Variants in MEX3A observed in about 807,000 individuals in gnomAD.
MEX3A encodes mex-3 RNA binding family member A.
MEX3A carries 4 observed loss-of-function variants against 30.0 expected under a neutral mutation model. The ratio of observed to expected loss-of-function variants is 0.13; its 90% CI spans 0.07 to 0.30. MEX3A has a LOEUF of 0.30. Among genes scored for constraint, MEX3A ranks in the 10% least tolerant of loss-of-function variants. The pLI, the probability that MEX3A is intolerant of heterozygous loss-of-function variation, is 1.00. For synonymous variants in MEX3A, 335 were observed against 327.6 expected (o/e 1.02, Z -0.24); for missense variants, 555 against 736.7 (o/e 0.75, Z 2.86).
intron 1 of MEX3A, among the ~76,000 whole-genome samples, chr1:156,081,332 G>A (rs548179557): frequency 4.9e-4 from 75 of 152,366 alleles, no homozygotes; most frequent in African/African-American, 1.8e-3. Flanking sequence ...TCTAAAGGCA[G>A]AGTCCTGGGG....
rs1379326020 is a variant in MEX3A at position 156,076,988 on chromosome 1, G to A, written c.1149C>T (p.Gly383=). The A allele has an allele frequency of 1.2e-6, 2 of 1,613,036 alleles. No homozygotes were observed. Among genetic ancestry groups the A allele is most frequent in the Admixed American group, 1.7e-5 (1 of 59,950 alleles). ...ACAGCGGGGGGCTAGTCTCGGCCAC[G>A]CCGTAGTACACATCCTGCTTGCCCA... ...YGVGKQDVYY[G]VAETSPPLWA... Residue 383 remains glycine (G), a synonymous_variant, in exon 2 of 2, where the codon GGC becomes GGT. Coordinates refer to ENST00000532414, the MANE Select transcript of MEX3A (RefSeq NM_001093725.2). The surrounding 1 kb of genome is among the most constrained non-coding windows in gnomAD (Gnocchi z 6.0).
In MEX3A at chr1:156,078,889, G is replaced by C. The variant is rs77345159; in HGVS notation, c.455-1207C>G. Among the ~76,000 whole-genome samples, 1,360 of 151,996 alleles carry C rather than the reference G, an allele frequency of 8.9e-3. 26 individuals carry two copies. The highest frequency in any genetic ancestry group is 0.031 in the African/African-American group (1,301 of 41,420). The stretch of plus-strand genomic sequence containing the variant: ...CACACACATCAAGTCCCTGTGTTTC[G>C]GCCTTTCATACATCCCACTGTCCAT... On this transcript the variant is annotated intron_variant, in intron 1 of 1. Transcript: ENST00000532414.
chr1:156,078,953 C>T (rs1264529029), intron 1 of MEX3A, among the ~76,000 whole-genome samples: 2 of 152,168 alleles, frequency 1.3e-5, no homozygotes, highest in African/African-American at 4.8e-5. Flanking sequence ...CATTCCTATA[C>T]ACACCCGCAC....
At chr1:156,080,600 C>T (rs1474564802) in intron 1 of MEX3A, among the ~76,000 whole-genome samples, 2 of 152,084 alleles carry the variant, frequency 1.3e-5, no homozygotes, top group African/African-American at 2.4e-5. Context: ...TCCCCAAGAT[C>T]CCGTCTGCTC....
chr1:156,078,045 T>C (rs922634641), intron 1 of MEX3A, among the ~76,000 whole-genome samples: 1 of 152,176 alleles, frequency 6.6e-6, no homozygotes, highest in African/African-American at 2.4e-5. Flanking sequence ...TCCCAACATT[T>C]GCTCTTCCTT....
intron 1 of MEX3A, among the ~76,000 whole-genome samples, chr1:156,080,771 C>T (rs1483336666): frequency 6.6e-6 from 1 of 151,508 alleles, no homozygotes; most frequent in African/African-American, 2.4e-5. Context: ...TTTCTTACCC[C>T]CCAGCATTCC....
rs1647987358 is a variant in MEX3A, at chr1:156,073,989, G to C, written c.*2585C>G. ...AGAGGGGAGGAGGAGTCCATGGAGT[G>C]AAATCCAATCTACTGGAAGGGTCCC... On this transcript the variant is annotated 3_prime_UTR_variant, in exon 2 of 2. Coordinates refer to ENST00000532414, the MANE Select transcript of MEX3A (RefSeq NM_001093725.2). 6.6e-6 allele frequency: 1 copy of C among 152,518 alleles called. No homozygotes were observed. Among genetic ancestry groups the C allele is most frequent in the South Asian group, 2.1e-4 (1 of 4,830 alleles). 9.4% of individuals were successfully genotyped at this position (152,518 alleles called of 1,614,324 possible). A position where few individuals can be genotyped will look rare whatever the true frequency, so the allele number is the denominator to read the frequency against.
In MEX3A at chr1:156,077,238, T is replaced by C. The variant is rs773643849; in HGVS notation, c.899A>G (p.Asn300Ser). 1.9e-6 allele frequency: 3 copies of C among 1,613,772 alleles called. No homozygotes were observed. The highest frequency in any genetic ancestry group is 1.7e-5 in the Admixed American group (1 of 60,036). Reference protein sequence around the residue: ...VRTGKILEYNNENDFLAGSPD... With the variant: ...VRTGKILEYNSENDFLAGSPD... ...GCTCCCCGCCAGGAAGTCGTTTTCA[T>C]TGTTGTACTCGAGGATCTTGCCAGT... The change falls in exon 2 of 2, where the codon AAT (asparagine) becomes AGT (serine). Residue 300 changes from asparagine (N) to serine (S), a missense_variant. Coordinates refer to ENST00000532414, the MANE Select transcript of MEX3A (RefSeq NM_001093725.2). This position sits in a 1 kb window ranked among gnomAD's most constrained non-coding sequence, Gnocchi z 8.3.
In MEX3A at chr1:156,076,921, A is replaced by G. The variant is rs1244186000; in HGVS notation, c.1216T>C (p.Ser406Pro). Residue 406 changes from serine to proline, a missense_variant, in exon 2 of 2, where the codon TCC becomes CCC. By Grantham distance (74) the Ser-to-Pro change is moderately conservative. This residue lies in a region of MEX3A where 281 missense variants were observed against 265.1 expected (regional missense o/e 1.06). Transcript: ENST00000532414. The surrounding 1 kb of genome is among the most constrained non-coding windows in gnomAD (Gnocchi z 6.0). ...ENATPTSVLF[S>P]SASSSSSSSA... The stretch of plus-strand genomic sequence containing the variant: ...GAGGAGGAGGAGGAGGAGGCAGAGG[A>G]GAAGAGCACGGAGGTGGGCGTGGCG... 1 of 1,590,980 alleles carries G rather than the reference A, an allele frequency of 6.3e-7. No homozygotes were observed. The highest frequency in any genetic ancestry group is 8.6e-7 in the Non-Finnish European group (1 of 1,168,758).
Position 156,076,476 on chromosome 1 carries a change from C to A in MEX3A, c.*98G>T, listed in dbSNP as rs1474311958. 2.3e-6 allele frequency: 3 copies of A among 1,308,714 alleles called. No individual in the cohort carries two copies. Among genetic ancestry groups the A allele is most frequent in the Non-Finnish European group, 3.1e-6 (3 of 959,960 alleles). 81.1% of individuals were successfully genotyped at this position (1,308,714 alleles called of 1,614,324 possible). A position where few individuals can be genotyped will look rare whatever the true frequency, so the allele number is the denominator to read the frequency against. On this transcript the variant is annotated 3_prime_UTR_variant, in exon 2 of 2. Transcript: ENST00000532414. This position sits in a 1 kb window ranked among gnomAD's most constrained non-coding sequence, Gnocchi z 6.0. ...CCCAGCGAGCGAGTATCTCTAAGCA[C>A]CTTGCCCCTCAAATCACCGCTTTCC...
Position 156,077,173 on chromosome 1 carries a change from G to T in MEX3A, c.964C>A (p.Arg322=), listed in dbSNP as rs376042471. The part of the protein sequence containing the change: ...AIDSRYSDAW[R]VHQPGCKPLS... ...GGCTTGCAGCCGGGCTGGTGCACCC[G>T]CCAGGCGTCGGAGTAGCGGCTATCG... is the stretch of plus-strand genomic sequence containing the variant. Residue 322 remains arginine, a synonymous_variant, in exon 2 of 2, where the codon CGG becomes AGG. Transcript: ENST00000532414. This position sits in a 1 kb window ranked among gnomAD's most constrained non-coding sequence, Gnocchi z 8.3. 1.6e-5 allele frequency: 26 copies of T among 1,613,252 alleles called. No individual in the cohort carries two copies. The highest frequency in any genetic ancestry group is 2.7e-5 in the African/African-American group (2 of 74,944).
rs186643337 is a variant in MEX3A at position 156,077,951 on chromosome 1, T to A, written c.455-269A>T. Among the ~76,000 whole-genome samples, 11 of 152,204 alleles carry A rather than the reference T, an allele frequency of 7.2e-5. No individual in the cohort carries two copies. The highest frequency in any genetic ancestry group is 2.6e-4 in the Admixed American group (4 of 15,288). ...TTCCATTCAGGGCCCTCCAAATTCATTCACTCCTCAAAACCCCCAAATAAT... is the reference window on the plus strand; with the variant it reads ...TTCCATTCAGGGCCCTCCAAATTCAATCACTCCTCAAAACCCCCAAATAAT... On this transcript the variant is annotated intron_variant, in intron 1 of 1. Transcript: ENST00000532414. The surrounding 1 kb of genome is among the most constrained non-coding windows in gnomAD (Gnocchi z 8.3).
In MEX3A at chr1:156,077,733, T is replaced by C; in HGVS notation, c.455-51A>G. The C allele has an allele frequency of 2.0e-6, 3 of 1,519,720 alleles. No individual in the cohort carries two copies. Among genetic ancestry groups the C allele is most frequent in the Admixed American group, 2.0e-5 (1 of 48,966 alleles). The allele number at this position is 1,519,720 out of a possible 1,614,324, so 94.1% of individuals were successfully genotyped here. On this transcript the variant is annotated intron_variant, in intron 1 of 1. Coordinates refer to ENST00000532414, the MANE Select transcript of MEX3A (RefSeq NM_001093725.2). This position sits in a 1 kb window ranked among gnomAD's most constrained non-coding sequence, Gnocchi z 8.3. ...GACAAAGAAACGCACACAGCAAGGT[T>C]TGTGCTGGGACCAATAAATTCCTGA...
rs1648009320 is a variant in MEX3A, at chr1:156,074,685, C to T, written c.*1889G>A. 2 of 151,688 alleles carry T rather than the reference C, an allele frequency of 1.3e-5. No individual in the cohort carries two copies. The highest frequency in any genetic ancestry group is 6.6e-5 in the Admixed American group (1 of 15,196). The allele number at this position is 151,688 out of a possible 1,614,324, so 9.4% of individuals were successfully genotyped here. A position where few individuals can be genotyped will look rare whatever the true frequency, so the allele number is the denominator to read the frequency against. The stretch of plus-strand genomic sequence containing the variant: ...CCCTCCCCACCTGCCCCCCGGCAAC[C>T]GAGGGTGCCCATTTGGTTTGGTTTC... On this transcript the variant is annotated 3_prime_UTR_variant, in exon 2 of 2. Transcript: ENST00000532414.
chr1:156,081,973 A>G lies in MEX3A; in HGVS notation c.26T>C (p.Ile9Thr). Reference sequence around the variant, plus strand: ...TCCAAAGCCCCCATTTCTTTCCATTATTCCAGATACCACTAGACTAGGCAT... The same window carrying G: ...TCCAAAGCCCCCATTTCTTTCCATTGTTCCAGATACCACTAGACTAGGCAT... MPSLVVSG[I>T]MERNGGFGEL... The change falls in exon 1 of 2, where the codon ATA (isoleucine) becomes ACA (threonine). Residue 9 changes from isoleucine (I) to threonine (T), a missense_variant. Ile to Thr is a moderately conservative substitution (Grantham distance 89). Transcript: ENST00000532414. 1 of 1,531,672 alleles carries G rather than the reference A, an allele frequency of 6.5e-7. No homozygotes were observed. Among genetic ancestry groups the G allele is most frequent in the Non-Finnish European group, 8.8e-7 (1 of 1,137,168 alleles). 94.9% of individuals were successfully genotyped at this position (1,531,672 alleles called of 1,614,324 possible). A position where few individuals can be genotyped will look rare whatever the true frequency, so the allele number is the denominator to read the frequency against.
In MEX3A at chr1:156,081,679, G is replaced by A. The variant is rs1256950031; in HGVS notation, c.320C>T (p.Pro107Leu). ...AAQTPQPPTA[P>L]KGASDAKLCA... ...GAGCTTGGCGTCGCTCGCCCCTTTG[G>A]GGGCGGTGGGGGGCTGGGGCGTCTG... The change falls in exon 1 of 2, where the codon CCC (proline) becomes CTC (leucine). Residue 107 changes from proline to leucine, a missense_variant. Transcript: ENST00000532414. 1 of 1,472,836 alleles carries A rather than the reference G, an allele frequency of 6.8e-7. No homozygotes were observed. Among genetic ancestry groups the A allele is most frequent in the Non-Finnish European group, 9.0e-7 (1 of 1,109,540 alleles). The allele number at this position is 1,472,836 out of a possible 1,614,324, so 91.2% of individuals were successfully genotyped here.
At chr1:156,078,189 T>C (rs577195789) in intron 1 of MEX3A, among the ~76,000 whole-genome samples, 2 of 152,290 alleles carry the variant, frequency 1.3e-5, no homozygotes, top group South Asian at 4.1e-4. Flanking sequence ...CATCTGACCC[T>C]TGATCATTAA....
chr1:156,081,433 G>C, intron 1 of MEX3A, 112 bp downstream of exon 1: 1 of 920,788 alleles, frequency 1.1e-6, no homozygotes, highest in East Asian at 3.0e-5. Flanking sequence ...CCCCCTTTGT[G>C]GGGAAGGGAC....
At position 156,082,023 on chromosome 1, in the gene MEX3A, AGAGAGG is replaced by A; in HGVS notation, c.-31_-26del. On this transcript the variant is annotated 5_prime_UTR_variant, in exon 1 of 2. Transcript: ENST00000532414. ...TGGCGAAACAAAAGCTGGGGGAGAG[AGAGAGG>A]GAGAGAGAGAGAGAGAGGTGGTGGA... is the stretch of plus-strand genomic sequence containing the variant. 8.2e-7 allele frequency: 1 copy of A among 1,220,038 alleles called. No homozygotes were observed. The highest frequency in any genetic ancestry group is 1.1e-6 in the Non-Finnish European group (1 of 934,442). The allele number at this position is 1,220,038 out of a possible 1,614,324, so 75.6% of individuals were successfully genotyped here.
Sources: gnomAD v4.1 joint callset for allele counts (sites outside exome capture counted in the v4.1 genomes callset) on GRCh38, gnomAD v4.1.1 for gene constraint, gnomAD v4.1.1 regional missense constraint, Gnocchi (gnomAD v3.1) non-coding constraint, MANE v1.5 for transcripts, NCBI Gene and HGNC (gene_info 2026-07-23, HGNC 2026-07-21) for gene names.